VPS54: variants seen among roughly 807,000 people sequenced by gnomAD.
VPS54 encodes vacuolar protein sorting-associated protein 54.
A neutral mutation model predicts 121.5 loss-of-function variants in VPS54; 45 were observed. That is an observed-to-expected ratio of 0.37 (90% CI 0.29 to 0.47). VPS54 has a LOEUF of 0.47. Ranked by LOEUF, VPS54 falls within the 20% of genes least tolerant of loss-of-function variation. VPS54 has a pLI of 0.99. For synonymous variants in VPS54, 371 were observed against 385.8 expected, an observed-to-expected ratio of 0.96 and a Z score of 0.45; for missense variants, 1,090 against 1,131.4, an observed-to-expected ratio of 0.96 and a Z score of 0.52.
intron 17 of VPS54, 100 bp from the exon 18 acceptor site, chr2:63,913,410 T>A: frequency 1.4e-6 from 1 of 735,232 alleles, no homozygotes; most frequent in Admixed American, 3.3e-5. Flanking sequence ...TTTCCTCTCA[T>A]TCAATGGCCA....
intron 9 of VPS54, among the ~76,000 whole-genome samples, chr2:63,946,079 T>C (rs1386363541): frequency 3.3e-5 from 5 of 152,134 alleles, no homozygotes; most frequent in African/African-American, 1.2e-4. Flanking sequence ...ACTATTATCT[T>C]GATTTTTAAA....
chr2:64,001,653 G>C (rs1376382651), intron 1 of VPS54, among the ~76,000 whole-genome samples: 2 of 152,074 alleles, frequency 1.3e-5, no homozygotes, highest in African/African-American at 2.4e-5. Context: ...CGTGTGTCTA[G>C]AAATGTTATC....
At chr2:63,974,019 T>C (rs1255668300) in intron 3 of VPS54, among the ~76,000 whole-genome samples, 2 of 152,232 alleles carry the variant, frequency 1.3e-5, no homozygotes, top group African/African-American at 4.8e-5. Flanking sequence ...TAAAAAGCCA[T>C]TACCAAACCC....
At chr2:63,938,481 T>C (rs1466731556) in intron 11 of VPS54, among the ~76,000 whole-genome samples, 3 of 152,122 alleles carry the variant, frequency 2.0e-5, no homozygotes, top group Non-Finnish European at 4.4e-5. Flanking sequence ...ATTATTATTT[T>C]GAGACAAACT....
intron 1 of VPS54, among the ~76,000 whole-genome samples, chr2:63,998,705 TCCC>T (rs1192124293): frequency 2.0e-5 from 3 of 152,132 alleles, no homozygotes; most frequent in Non-Finnish European, 4.4e-5. Context: ...TTTAACTATG[TCCC>T]CCCACTTTAT....
chr2:63,972,135 T>C, intron 4 of VPS54, 31 bp downstream of exon 4: 14 of 1,387,880 alleles, frequency 1.0e-5, no homozygotes, highest in Non-Finnish European at 1.4e-5. Context: ...TATGCTATGC[T>C]TTATTATCTA....
chr2:63,947,973 A>G lies in VPS54; in HGVS notation c.1138-483T>C, dbSNP rs570450522. Among the ~76,000 whole-genome samples the G allele has an allele frequency of 1.5e-3, 235 of 152,188 alleles. 1 individual carries two copies. The highest frequency in any genetic ancestry group is 5.4e-3 in the African/African-American group (226 of 41,522). The stretch of plus-strand genomic sequence containing the variant: ...CACCTCAGCCTCCCGAGTAGCTGGG[A>G]CTAGAGGCATGCACCACCACACCTG... On this transcript the variant is annotated intron_variant, in intron 8 of 22. Transcript: ENST00000272322.
chr2:63,894,550 A>T (rs1672359928), intron 22 of VPS54, among the ~76,000 whole-genome samples: 1 of 152,110 alleles, frequency 6.6e-6, no homozygotes, highest in Non-Finnish European at 1.5e-5. Flanking sequence ...AAAAATTAAA[A>T]AAATTAGCTG....
At chr2:63,980,016 C>G (rs1676737079) in intron 3 of VPS54, among the ~76,000 whole-genome samples, 1 of 152,072 alleles carries the variant, frequency 6.6e-6, no homozygotes, top group Admixed American at 6.5e-5. Context: ...CTATTATAAT[C>G]TTGCTGATAT....
chr2:63,948,414 GTT>G (rs560700373), intron 8 of VPS54, among the ~76,000 whole-genome samples: 21 of 106,078 alleles, frequency 2.0e-4, no homozygotes, highest in African/African-American at 5.4e-4. Context: ...CACTTTTTCG[GTT>G]TTTTTTTTTT....
chr2:63,919,112 G>A (rs184171678), intron 15 of VPS54, among the ~76,000 whole-genome samples: 6 of 152,002 alleles, frequency 3.9e-5, no homozygotes, highest in Non-Finnish European at 8.8e-5. Flanking sequence ...AAATCTTATA[G>A]GACTATTATA....
chr2:63,944,959 C>A (rs1247365642), intron 9 of VPS54, among the ~76,000 whole-genome samples: 2 of 152,152 alleles, frequency 1.3e-5, no homozygotes, highest in African/African-American at 4.8e-5. Flanking sequence ...TTAGTTCAAC[C>A]ATTGTGGAAG....
intron 11 of VPS54, among the ~76,000 whole-genome samples, chr2:63,939,704 G>A (rs770833004): frequency 6.6e-6 from 1 of 151,024 alleles, no homozygotes; most frequent in Non-Finnish European, 1.5e-5. Context: ...AAGATAAAAG[G>A]GTTAAAAAAA....
rs1214964241 is a variant in VPS54 at position 63,981,628 on chromosome 2, G to C, written c.378+18C>G. ...ATTACTTTTGACCTGACTGTAACTA[G>C]CCAAGATTAGATATTACCTGAGAGA... On this transcript the variant is annotated intron_variant, in intron 3 of 22. Coordinates refer to ENST00000272322, the MANE Select transcript of VPS54 (RefSeq NM_016516.3). 6.5e-7 allele frequency: 1 copy of C among 1,547,438 alleles called. No individual in the cohort carries two copies. The highest frequency in any genetic ancestry group is 8.7e-7 in the Non-Finnish European group (1 of 1,148,848).
chr2:63,917,903 A>T (rs1553472182), intron 15 of VPS54, among the ~76,000 whole-genome samples: 1 of 152,040 alleles, frequency 6.6e-6, no homozygotes, highest in Non-Finnish European at 1.5e-5. Flanking sequence ...GTAAAATAGG[A>T]ATACTAATAA....
intron 22 of VPS54, among the ~76,000 whole-genome samples, chr2:63,897,037 T>C (rs955423289): frequency 1.3e-5 from 2 of 152,198 alleles, no homozygotes; most frequent in African/African-American, 4.8e-5. Flanking sequence ...TTTACAGTAA[T>C]ATATACAATC....
At chr2:63,989,211 C>A (rs934841475) in intron 1 of VPS54, among the ~76,000 whole-genome samples, 1 of 152,138 alleles carries the variant, frequency 6.6e-6, no homozygotes, top group Non-Finnish European at 1.5e-5. Flanking sequence ...ACAGCGGGAC[C>A]GGGAACCTCA....
intron 3 of VPS54, among the ~76,000 whole-genome samples, chr2:63,977,848 TAA>T (rs1187470089): frequency 6.6e-6 from 1 of 152,236 alleles, no homozygotes; most frequent in Non-Finnish European, 1.5e-5. Context: ...TTTATCTGGC[TAA>T]GAGTTAGGCT....
chr2:63,975,051 T>C, intron 3 of VPS54: 1 of 1,547,750 alleles, frequency 6.5e-7, no homozygotes, highest in Non-Finnish European at 8.7e-7. Flanking sequence ...TGTAGATTTT[T>C]TTTTTCTTTT....
Sources: gnomAD v4.1 joint callset for allele counts (sites outside exome capture counted in the v4.1 genomes callset) on GRCh38, gnomAD v4.1.1 for gene constraint, MANE v1.5 for transcripts, NCBI Gene and HGNC (gene_info 2026-07-23, HGNC 2026-07-21) for gene names.